SNED1: variants seen among roughly 807,000 people sequenced by gnomAD.
SNED1 encodes the protein sushi, nidogen and EGF like domains 1, also known as sushi, nidogen and EGF-like domain-containing protein 1.
A neutral mutation model predicts 166.7 loss-of-function variants in SNED1; 81 were observed. The observed-to-expected ratio is 0.49, with a 90% CI of 0.41 to 0.58. The LOEUF is 0.58. SNED1 is among the 20% of genes least tolerant of loss of function. The probability of loss-of-function intolerance (pLI) is 0.00; values close to 1 mark genes in which losing one functional copy is unlikely to be tolerated. For synonymous variants in SNED1, 762 were observed against 822.0 expected (o/e 0.93, Z 1.25); for missense variants, 1,604 against 2,000.2 (o/e 0.80, Z 3.78).
In SNED1 at chr2:241,064,262, A is replaced by G. The variant is rs1340193571; in HGVS notation, c.2599+137A>G. 1 of 617,030 alleles carries G rather than the reference A, an allele frequency of 1.6e-6. No homozygotes were observed. The allele number at this position is 617,030 out of a possible 1,614,324, so 38.2% of individuals were successfully genotyped here. On this transcript the variant is annotated intron_variant, in intron 19 of 31. Coordinates refer to ENST00000310397, the MANE Select transcript of SNED1 (RefSeq NM_001080437.3). The surrounding 1 kb of genome is among the most constrained non-coding windows in gnomAD (Gnocchi z 7.0). ...CCCCGCCCTCTGCCCGCCGCCTTGG[A>G]AGTCCCCTTCTCAGGCCAGTGGCCC...
intron 16 of SNED1, among the ~76,000 whole-genome samples, chr2:241,060,128 T>A (rs1344898680): frequency 6.6e-6 from 1 of 152,030 alleles, no homozygotes; most frequent in African/African-American, 2.4e-5. Flanking sequence ...AAAAACATGA[T>A]AAATTTTTAA....
At chr2:241,080,376 G>A (rs536784611) in intron 27 of SNED1, among the ~76,000 whole-genome samples, 1 of 152,310 alleles carries the variant, frequency 6.6e-6, no homozygotes, top group East Asian at 1.9e-4. Flanking sequence ...ATTTTTTAAA[G>A]AAGCCTAATT....
chr2:241,078,642 G>A (rs1233436265), intron 27 of SNED1, among the ~76,000 whole-genome samples: 2 of 151,764 alleles, frequency 1.3e-5, no homozygotes, highest in Non-Finnish European at 2.9e-5. Context: ...GGAGGGTGGA[G>A]GGGATGGGGA....
chr2:241,072,819 A>G (rs899548009), intron 26 of SNED1: 1 of 198,032 alleles, frequency 5.0e-6, no homozygotes, highest in Admixed American at 5.2e-5. Flanking sequence ...AGATCCCTGC[A>G]TAAGAAGTGA....
chr2:241,072,295 T>C (rs1189963992), intron 26 of SNED1: 1 of 448,174 alleles, frequency 2.2e-6, no homozygotes, highest in African/African-American at 2.0e-5. Context: ...TCCGCCACTG[T>C]CCTGGCAAGA....
In SNED1 at chr2:240,999,260, G is replaced by A. The variant is rs2060003948; in HGVS notation, c.213+210G>A. ...CGCGGGCGGGGCGGGGGCGGCAGCC[G>A]CCGGGCACCGAGGCGGGGGCGAGTG... is the stretch of plus-strand genomic sequence containing the variant. On this transcript the variant is annotated intron_variant, in intron 1 of 31. Coordinates refer to ENST00000310397, the MANE Select transcript of SNED1 (RefSeq NM_001080437.3). This position sits in a 1 kb window ranked among gnomAD's most constrained non-coding sequence, Gnocchi z 5.8. Among the ~76,000 whole-genome samples, 1 of 150,102 alleles carries A rather than the reference G, an allele frequency of 6.7e-6. No homozygotes were observed. The highest frequency in any genetic ancestry group is 2.4e-5 in the African/African-American group (1 of 41,200).
chr2:241,062,742 T>A, intron 16 of SNED1, 49 bp from the exon 17 acceptor site: 1 of 1,254,484 alleles, frequency 8.0e-7, no homozygotes, highest in Non-Finnish European at 1.1e-6. Context: ...CATCTTAATT[T>A]GGCTTAATCG....
At chr2:241,060,121 A>G (rs1388981757) in intron 16 of SNED1, among the ~76,000 whole-genome samples, 1 of 152,226 alleles carries the variant, frequency 6.6e-6, no homozygotes, top group Non-Finnish European at 1.5e-5. Context: ...TAGCATCAAA[A>G]ACATGATAAA....
intron 1 of SNED1, among the ~76,000 whole-genome samples, chr2:241,023,238 T>C (rs2060822590): frequency 6.6e-6 from 1 of 152,180 alleles, no homozygotes; most frequent in South Asian, 2.1e-4. Context: ...TCCATTGAAG[T>C]TCTGCTTTCT....
rs112333804 is a variant in SNED1 at position 241,087,147 on chromosome 2, C to T, written c.4122-245C>T. On this transcript the variant is annotated intron_variant, in intron 29 of 31. Coordinates refer to ENST00000310397, the MANE Select transcript of SNED1 (RefSeq NM_001080437.3). ...TACCATATCCTTTGTCAGTGCTCATCAGAATGCACATTAAAATGGGTTTAT... is the reference window on the plus strand; with the variant it reads ...TACCATATCCTTTGTCAGTGCTCATTAGAATGCACATTAAAATGGGTTTAT... 2,789 of 472,680 alleles carry T rather than the reference C, an allele frequency of 5.9e-3. 5 individuals are homozygous for T. The highest frequency in any genetic ancestry group is 8.2e-3 in the Non-Finnish European group (2,202 of 269,320). 29.3% of individuals were successfully genotyped at this position (472,680 alleles called of 1,614,324 possible). A position where few individuals can be genotyped will look rare whatever the true frequency, so the allele number is the denominator to read the frequency against.
chr2:241,001,128 G>A (rs1280151028), intron 1 of SNED1, among the ~76,000 whole-genome samples: 1 of 152,214 alleles, frequency 6.6e-6, no homozygotes, highest in Non-Finnish European at 1.5e-5. Flanking sequence ...TGCTGGCCCT[G>A]GACTCAGACT....
chr2:241,060,462 G>A (rs111896663), intron 16 of SNED1, among the ~76,000 whole-genome samples: 5,927 of 152,164 alleles, frequency 0.039, 145 homozygotes, highest in Non-Finnish European at 0.061. Flanking sequence ...GATTACAGGC[G>A]CGAGCCACCA....
chr2:241,084,199 C>A lies in SNED1; in HGVS notation c.4121+1835C>A, dbSNP rs1055549691. Among the ~76,000 whole-genome samples, 3 of 144,234 alleles carry A rather than the reference C, an allele frequency of 2.1e-5. No individual in the cohort carries two copies. In the Admixed American group the frequency reaches 2.1e-4, roughly 10 times the overall value. 94.6% of individuals were successfully genotyped at this position (144,234 alleles called of 152,430 possible). A position where few individuals can be genotyped will look rare whatever the true frequency, so the allele number is the denominator to read the frequency against. On this transcript the variant is annotated intron_variant, in intron 29 of 31. Coordinates refer to ENST00000310397, the MANE Select transcript of SNED1 (RefSeq NM_001080437.3). ...TCCCCCAGGCTGGAGTGCGATGGTG[C>A]GATCTTGGCTCATCGCAACCTCTGC...
intron 17 of SNED1, 51 bp from the exon 18 acceptor site, chr2:241,063,536 G>A: frequency 8.1e-7 from 1 of 1,229,148 alleles, no homozygotes; most frequent in Non-Finnish European, 1.2e-6. Flanking sequence ...GGGGCATGTG[G>A]GCGCCTCAGA....
chr2:241,071,988 G>A (rs2062748374), intron 26 of SNED1, 110 bp downstream of exon 26: 1 of 973,600 alleles, frequency 1.0e-6, no homozygotes, highest in African/African-American at 1.6e-5. Flanking sequence ...CGCCAGCGCA[G>A]TCTCCAGCCA....
intron 1 of SNED1, among the ~76,000 whole-genome samples, chr2:241,001,833 C>T (rs992496404): frequency 3.3e-5 from 5 of 152,126 alleles, no homozygotes; most frequent in African/African-American, 1.2e-4. Context: ...CCGACAGAGC[C>T]CTGAGCAGAG....
At chr2:241,066,753 C>T (rs1178322419) in intron 21 of SNED1, among the ~76,000 whole-genome samples, 4 of 152,090 alleles carry the variant, frequency 2.6e-5, no homozygotes, top group East Asian at 1.9e-4. Context: ...GGGAGGAGCT[C>T]GGCGGTTCTC....
At chr2:241,004,982 A>G (rs902453836) in intron 1 of SNED1, among the ~76,000 whole-genome samples, 3 of 152,068 alleles carry the variant, frequency 2.0e-5, no homozygotes, top group Non-Finnish European at 2.9e-5. Context: ...CAGCCTCACA[A>G]AGTGCTGGGA....
chr2:241,051,055 C>T lies in SNED1; in HGVS notation c.1736-689C>T, dbSNP rs148038947. On this transcript the variant is annotated intron_variant, in intron 12 of 31. Transcript: ENST00000310397. The surrounding 1 kb of genome is among the most constrained non-coding windows in gnomAD (Gnocchi z 4.7). ...AGGGGTGGGGCAGCCAGAGCTTGGA[C>T]CTGCAGCGTGGGATGGCTGGCAGGA... Among the ~76,000 whole-genome samples, 820 of 152,316 alleles carry T rather than the reference C, an allele frequency of 5.4e-3. 6 individuals carry two copies. The highest frequency in any genetic ancestry group is 0.012 in the African/African-American group (503 of 41,550).
Sources: allele counts gnomAD v4.1 joint callset (sites outside exome capture counted in the v4.1 genomes callset), GRCh38; gene constraint gnomAD v4.1.1; non-coding constraint Gnocchi (gnomAD v3.1); transcripts MANE v1.5; gene names NCBI Gene and HGNC (gene_info 2026-07-23, HGNC 2026-07-21).